The following SGCZ variants were observed in gnomAD, a reference collection of about 807,000 sequenced individuals.
SGCZ encodes the protein zeta-sarcoglycan.
In SGCZ, 40 loss-of-function variants were observed where a neutral mutation model predicts 41.3. The observed-to-expected ratio is 0.97, with a 90% CI of 0.75 to 1.26. The LOEUF (loss-of-function observed/expected upper bound fraction) is 1.26. Among genes scored for constraint, SGCZ ranks in the 50% most tolerant of loss-of-function variants. The pLI, the probability that SGCZ is intolerant of heterozygous loss-of-function variation, is 0.00. For synonymous variants in SGCZ, 206 were observed against 137.5 expected (o/e 1.50, Z -3.49); for missense variants, 552 against 369.8 (o/e 1.49, Z -4.04).
intron 5 of SGCZ, among the ~76,000 whole-genome samples, chr8:14,114,093 G>T (rs1342115573): frequency 6.6e-6 from 1 of 151,988 alleles, no homozygotes; most frequent in African/African-American, 2.4e-5. Context: ...CTCTTATCCA[G>T]TAACTTACGA....
At chr8:14,840,998 A>C (rs533002176) in intron 1 of SGCZ, among the ~76,000 whole-genome samples, 137 of 152,214 alleles carry the variant, frequency 9.0e-4, no homozygotes, top group African/African-American at 3.2e-3. Flanking sequence ...TACAATTTTC[A>C]TCCTACAAAT....
chr8:15,068,841 C>A (rs542795511), intron 1 of SGCZ, among the ~76,000 whole-genome samples: 4 of 152,310 alleles, frequency 2.6e-5, no homozygotes, highest in African/African-American at 9.6e-5. Context: ...CAGCAAACCA[C>A]AGAGTCTAAA....
intron 1 of SGCZ, among the ~76,000 whole-genome samples, chr8:14,647,695 A>AAT (rs1807268292): frequency 6.6e-6 from 1 of 152,008 alleles, no homozygotes; most frequent in Non-Finnish European, 1.5e-5. Flanking sequence ...CTACATTTTA[A>AAT]ATATATATGT....
chr8:14,301,194 C>G (rs1369970492), intron 3 of SGCZ, among the ~76,000 whole-genome samples: 1 of 151,886 alleles, frequency 6.6e-6, no homozygotes, highest in East Asian at 1.9e-4. Flanking sequence ...TACAACCTTC[C>G]TTGTTGAGAT....
At chr8:14,795,092 C>A (rs542578239) in intron 1 of SGCZ, among the ~76,000 whole-genome samples, 2 of 152,036 alleles carry the variant, frequency 1.3e-5, no homozygotes, top group Non-Finnish European at 2.9e-5. Context: ...ATAAAGGAAA[C>A]AGAAGACCCA....
At chr8:14,273,323 C>A (rs1361325721) in intron 3 of SGCZ, among the ~76,000 whole-genome samples, 7 of 152,076 alleles carry the variant, frequency 4.6e-5, no homozygotes, top group African/African-American at 1.7e-4. Flanking sequence ...CCTAATATTT[C>A]CTTCCTTTAT....
rs958433943 is a variant in SGCZ at position 15,003,071 on chromosome 8, T to C, written c.39+234514A>G. Among the ~76,000 whole-genome samples the C allele has an allele frequency of 3.9e-5, 6 of 152,070 alleles. No homozygotes were observed. In the East Asian group the frequency reaches 5.8e-4, roughly 15 times the overall value. On this transcript the variant is annotated intron_variant, in intron 1 of 7. Transcript: ENST00000382080. Reference sequence around the variant, plus strand: ...CCGTGATTGTGAGGCCTCCCCAGCCTCACAATCATGGCAAAATTTAATATT... The same window carrying C: ...CCGTGATTGTGAGGCCTCCCCAGCCCCACAATCATGGCAAAATTTAATATT...
chr8:14,734,962 T>G (rs1300137786), intron 1 of SGCZ, among the ~76,000 whole-genome samples: 1 of 152,202 alleles, frequency 6.6e-6, no homozygotes, highest in Non-Finnish European at 1.5e-5. Context: ...GATTAATAAT[T>G]GCTTGTTATC....
At chr8:14,766,202 C>A (rs143114282) in intron 1 of SGCZ, among the ~76,000 whole-genome samples, 1 of 151,408 alleles carries the variant, frequency 6.6e-6, no homozygotes, top group East Asian at 1.9e-4. Context: ...TCAGGTGATC[C>A]GCCCGCCTCG....
chr8:14,949,671 G>T (rs1800566416), intron 1 of SGCZ, among the ~76,000 whole-genome samples: 1 of 151,784 alleles, frequency 6.6e-6, no homozygotes, highest in Admixed American at 6.6e-5. Flanking sequence ...ATTTAATTTT[G>T]GCCTAAATAA....
At chr8:15,215,115 G>A (rs767068730) in intron 1 of SGCZ, among the ~76,000 whole-genome samples, 2 of 152,102 alleles carry the variant, frequency 1.3e-5, no homozygotes, top group South Asian at 2.1e-4. Flanking sequence ...TACTGAATAT[G>A]TAAAACAGTA....
At chr8:15,021,638 C>T (rs769562316) in intron 1 of SGCZ, among the ~76,000 whole-genome samples, 9 of 152,192 alleles carry the variant, frequency 5.9e-5, no homozygotes, top group Non-Finnish European at 1.2e-4. Flanking sequence ...ACTCACCCTG[C>T]GTGGGATGTG....
chr8:14,178,011 G>A (rs1252501364), intron 4 of SGCZ, among the ~76,000 whole-genome samples: 2 of 117,694 alleles, frequency 1.7e-5, no homozygotes, highest in Non-Finnish European at 3.2e-5. Flanking sequence ...AGGCTGGAGT[G>A]CAGTGGCATG....
chr8:14,858,374 T>C (rs1404314922), intron 1 of SGCZ, among the ~76,000 whole-genome samples: 1 of 152,118 alleles, frequency 6.6e-6, no homozygotes, highest in Non-Finnish European at 1.5e-5. Context: ...TGACGCTTTT[T>C]CAAATCTCTT....
chr8:14,443,229 T>C (rs1222365077), intron 2 of SGCZ, among the ~76,000 whole-genome samples: 4 of 152,118 alleles, frequency 2.6e-5, no homozygotes, highest in South Asian at 2.1e-4. Flanking sequence ...AAAATGGCCA[T>C]ACTGCCCAAG....
At chr8:15,199,842 G>C (rs761404747) in intron 1 of SGCZ, among the ~76,000 whole-genome samples, 15 of 152,254 alleles carry the variant, frequency 9.9e-5, no homozygotes, top group Non-Finnish European at 1.9e-4. Flanking sequence ...AAAATTTCTT[G>C]TTGAAATGGG....
intron 1 of SGCZ, among the ~76,000 whole-genome samples, chr8:14,996,528 A>G (rs748350348): frequency 2.0e-5 from 3 of 152,176 alleles, no homozygotes; most frequent in Non-Finnish European, 2.9e-5. Flanking sequence ...CAGCCTCCCA[A>G]GTAGCTGGGA....
chr8:14,847,638 G>A (rs1476936685), intron 1 of SGCZ, among the ~76,000 whole-genome samples: 3 of 145,614 alleles, frequency 2.1e-5, no homozygotes, highest in East Asian at 4.1e-4. Flanking sequence ...AGGGAAGGAA[G>A]GAAGGAGGGA....
chr8:14,141,524 T>G (rs1041096246), intron 5 of SGCZ, among the ~76,000 whole-genome samples: 1 of 152,304 alleles, frequency 6.6e-6, no homozygotes, highest in Non-Finnish European at 1.5e-5. Flanking sequence ...CAGACACTTC[T>G]CAAAAGAAGA....
Sources: gnomAD v4.1 joint callset for allele counts (sites outside exome capture counted in the v4.1 genomes callset) on GRCh38, gnomAD v4.1.1 for gene constraint, MANE v1.5 for transcripts, NCBI Gene and HGNC (gene_info 2026-07-23, HGNC 2026-07-21) for gene names.